Variants in DDX46 observed in about 807,000 individuals in gnomAD.
DDX46 encodes DEAD-box helicase 46.
Under a neutral mutation model 134.9 loss-of-function variants are expected in DDX46, and 30 were observed. That is an observed-to-expected ratio of 0.22 (90% CI 0.17 to 0.30). The LOEUF is 0.30. Ranked by LOEUF, DDX46 falls within the 10% of genes least tolerant of loss-of-function variation. The pLI, the probability that DDX46 is intolerant of heterozygous loss-of-function variation, is 1.00. For missense variants in DDX46, 622 were observed against 1,248.7 expected, an observed-to-expected ratio of 0.50 and a Z score of 7.56; for synonymous variants, 415 against 404.1, an observed-to-expected ratio of 1.03 and a Z score of -0.32.
At chr5:134,778,400 A>G (rs1317868187) in intron 6 of DDX46, among the ~76,000 whole-genome samples, 2 of 151,970 alleles carry the variant, frequency 1.3e-5, no homozygotes, top group Non-Finnish European at 2.9e-5. Context: ...GACAAATTAT[A>G]TAATTTTTTT....
intron 6 of DDX46, among the ~76,000 whole-genome samples, chr5:134,780,099 TGTGTGTGTGTG>T: frequency 4.5e-5 from 1 of 22,346 alleles, no homozygotes; most frequent in South Asian, 2.6e-3. Flanking sequence ...AAAAAATATA[TGTGTGTGTGTG>T]TGTGTGTGTG....
At chr5:134,824,318 C>T (rs765222641) in intron 21 of DDX46, among the ~76,000 whole-genome samples, 4 of 152,120 alleles carry the variant, frequency 2.6e-5, no homozygotes, top group East Asian at 3.9e-4. Flanking sequence ...AATGGCCGGG[C>T]GCGGTGGCTC....
At position 134,807,860 on chromosome 5, in the gene DDX46, T is replaced by C. The variant is rs1420972632; in HGVS notation, c.2067T>C (p.Ile689=). The part of the protein sequence containing the change: ...AARGLDVKHL[I]LVVNYSCPNH... ...GAGGTCTAGATGTGAAACATCTGAT[T>C]CTTGTAGTAAATTATAGCTGCCCCA... The change falls in exon 16 of 23, where the codon ATT becomes ATC. Residue 689 remains isoleucine (I), a synonymous_variant. Transcript: ENST00000452510. 1.9e-6 allele frequency: 3 copies of C among 1,614,080 alleles called. No individual in the cohort carries two copies. Among genetic ancestry groups the C allele is most frequent in the Non-Finnish European group, 2.5e-6 (3 of 1,180,038 alleles).
Position 134,780,596 on chromosome 5 carries a change from AAATAAAGT to A in DDX46, c.766-535_766-528del, listed in dbSNP as rs1279680778. Reference sequence around the variant, plus strand: ...TAAATAAATAAATAAATAAATAAATAAATAAAGTATGTATAATTATATAAAATTATTTA... The same window carrying A: ...TAAATAAATAAATAAATAAATAAATAATGTATAATTATATAAAATTATTTA... On this transcript the variant is annotated intron_variant, in intron 6 of 22. Transcript: ENST00000452510. 23 of 149,264 alleles carry A rather than the reference AAATAAAGT, an allele frequency of 1.5e-4. 1 individual carries two copies. The South Asian group carries it at 4.8e-3, about 31-fold the overall frequency. The allele number at this position is 149,264 out of a possible 1,614,324, so 9.2% of individuals were successfully genotyped here.
chr5:134,782,830 G>T (rs906087633), intron 8 of DDX46, 115 bp from the exon 9 acceptor site: 7 of 1,337,286 alleles, frequency 5.2e-6, no homozygotes, highest in Non-Finnish European at 7.0e-6. Context: ...TTACAGGTGT[G>T]AGCCGCTGGG....
At chr5:134,796,536 A>G (rs755677723) in intron 15 of DDX46, among the ~76,000 whole-genome samples, 2 of 152,230 alleles carry the variant, frequency 1.3e-5, no homozygotes, top group Admixed American at 6.5e-5. Flanking sequence ...TGTAATAGCA[A>G]TATCACAGTA....
chr5:134,807,123 G>A (rs1349342620), intron 15 of DDX46, among the ~76,000 whole-genome samples: 2 of 148,620 alleles, frequency 1.3e-5, no homozygotes, highest in Non-Finnish European at 3.0e-5. Context: ...GCGCAATCTC[G>A]GCTCACGGCA....
chr5:134,824,203 C>T (rs114483286), intron 21 of DDX46, among the ~76,000 whole-genome samples: 2,049 of 152,272 alleles, frequency 0.013, 28 homozygotes, highest in Non-Finnish European at 0.019. Context: ...TCAATTTACA[C>T]TCAGGAAATA....
rs1327134043 is a variant in DDX46 at position 134,830,863 on chromosome 5, T to G, written c.*2157T>G. ...TATGGCAGTCCCACATCGATGATAATTGGTGCTCCCTTCATCCAACTGGAT... is the reference window on the plus strand; with the variant it reads ...TATGGCAGTCCCACATCGATGATAAGTGGTGCTCCCTTCATCCAACTGGAT... On this transcript the variant is annotated 3_prime_UTR_variant, in exon 23 of 23. Transcript: ENST00000452510. 1 of 152,640 alleles carries G rather than the reference T, an allele frequency of 6.6e-6. No individual in the cohort carries two copies. Among genetic ancestry groups the G allele is most frequent in the African/African-American group, 2.4e-5 (1 of 41,458 alleles). 9.5% of individuals were successfully genotyped at this position (152,640 alleles called of 1,614,324 possible).
intron 5 of DDX46, among the ~76,000 whole-genome samples, chr5:134,775,334 T>C (rs1361990540): frequency 6.6e-6 from 1 of 152,188 alleles, no homozygotes; most frequent in Admixed American, 6.5e-5. Flanking sequence ...AAGTAGGAGA[T>C]TGTAGAATTT....
In DDX46 at chr5:134,796,108, G is replaced by A; in HGVS notation, c.1912G>A (p.Asp638Asn). Reference protein sequence around the residue: ...KQEHADGLLKDLMRASYPCMS... With the variant: ...KQEHADGLLKNLMRASYPCMS... ...GGAACATGCTGATGGTCTTCTTAAG[G>A]ATTTAATGAGAGCATCTTATCCTTG... Residue 638 changes from aspartate (D) to asparagine (N), a missense_variant, in exon 15 of 23, where the codon GAT (aspartate) becomes AAT (asparagine). Asp to Asn is a conservative substitution (Grantham distance 23). Around this residue, in one of 8 missense-constraint regions of DDX46, gnomAD observed 209 missense variants for 508.4 expected, o/e 0.41. Coordinates refer to ENST00000452510, the MANE Select transcript of DDX46 (RefSeq NM_001300860.2). The A allele has an allele frequency of 6.2e-7, 1 of 1,613,800 alleles. No homozygotes were observed. The highest frequency in any genetic ancestry group is 8.5e-7 in the Non-Finnish European group (1 of 1,179,932).
intron 5 of DDX46, among the ~76,000 whole-genome samples, chr5:134,776,896 A>T (rs1298836636): frequency 7.0e-6 from 1 of 142,668 alleles, no homozygotes. Flanking sequence ...CCTGGGCAAC[A>T]GAGCGAGACT....
At chr5:134,778,010 C>A in intron 6 of DDX46, 2 of 206,220 alleles carry the variant, frequency 9.7e-6, no homozygotes, top group Non-Finnish European at 9.3e-6. Flanking sequence ...GCACTCCTGT[C>A]TTTGATACTC....
At chr5:134,798,671 A>C (rs1483537092) in intron 15 of DDX46, among the ~76,000 whole-genome samples, 6 of 152,138 alleles carry the variant, frequency 3.9e-5, no homozygotes, top group African/African-American at 9.7e-5. Context: ...CATAACCTCT[A>C]TTCTGCTTTC....
chr5:134,776,174 A>G (rs1753929787), intron 5 of DDX46, among the ~76,000 whole-genome samples: 1 of 151,854 alleles, frequency 6.6e-6, no homozygotes, highest in Non-Finnish European at 1.5e-5. Context: ...GGTGGTTCAC[A>G]AGGTCAAGAG....
In DDX46 at chr5:134,818,853, CT is replaced by C; in HGVS notation, c.2833-3del. The C allele has an allele frequency of 1.2e-6, 2 of 1,600,950 alleles. No homozygotes were observed. Among genetic ancestry groups the C allele is most frequent in the Non-Finnish European group, 1.7e-6 (2 of 1,175,324 alleles). On this transcript the variant is annotated splice_polypyrimidine_tract_variant and splice_region_variant and intron_variant, in intron 20 of 22. Coordinates refer to ENST00000452510, the MANE Select transcript of DDX46 (RefSeq NM_001300860.2). The stretch of plus-strand genomic sequence containing the variant: ...GTGATTTTTCTTTTCCTTACCTTTT[CT>C]TTTAGACTGCTAGGTGGAAAGTTAC...
chr5:134,810,088 T>G (rs1321909582), intron 16 of DDX46, among the ~76,000 whole-genome samples: 3 of 152,052 alleles, frequency 2.0e-5, no homozygotes, highest in African/African-American at 7.2e-5. Context: ...GTTTTTTACA[T>G]TTTTGTGGAG....
At chr5:134,815,859 G>A (rs572634724) in intron 18 of DDX46, among the ~76,000 whole-genome samples, 8 of 152,122 alleles carry the variant, frequency 5.3e-5, no homozygotes, top group Non-Finnish European at 8.8e-5. Flanking sequence ...AAGGGAATAA[G>A]CCTTTTCTGG....
At chr5:134,784,913 G>A (rs1246464431) in intron 10 of DDX46, among the ~76,000 whole-genome samples, 1 of 152,200 alleles carries the variant, frequency 6.6e-6, no homozygotes, top group Non-Finnish European at 1.5e-5. Context: ...TTCCTAGGTA[G>A]TTTTTGGCCT....
Sources: gnomAD v4.1 joint callset for allele counts (sites outside exome capture counted in the v4.1 genomes callset) on GRCh38, gnomAD v4.1.1 for gene constraint, gnomAD v4.1.1 regional missense constraint, MANE v1.5 for transcripts, NCBI Gene and HGNC (gene_info 2026-07-23, HGNC 2026-07-21) for gene names.